The following NEGR1 variants were observed in gnomAD, a reference collection of about 807,000 sequenced individuals.
NEGR1 encodes the protein neuronal growth regulator 1.
NEGR1 carries 10 observed loss-of-function variants against 40.9 expected under a neutral mutation model. That is an observed-to-expected ratio of 0.24 (90% CI 0.15 to 0.42). The LOEUF (loss-of-function observed/expected upper bound fraction) is 0.42, where lower values mean the gene tolerates loss of function less well. Among genes scored for constraint, NEGR1 ranks in the 10% least tolerant of loss-of-function variants. The probability of loss-of-function intolerance (pLI) is 1.00; values close to 1 mark genes in which losing one functional copy is unlikely to be tolerated. For missense variants in NEGR1, 352 were observed against 438.9 expected (o/e 0.80, Z 1.77); for synonymous variants, 185 against 166.8 (o/e 1.11, Z -0.84).
At chr1:72,092,617 C>T (rs1176607926) in intron 1 of NEGR1, among the ~76,000 whole-genome samples, 6 of 152,102 alleles carry the variant, frequency 3.9e-5, no homozygotes, top group Non-Finnish European at 8.8e-5. Flanking sequence ...AGCTGTTCTT[C>T]ATTGTTGTAC....
chr1:71,471,013 G>A (rs1315387796), intron 6 of NEGR1, among the ~76,000 whole-genome samples: 1 of 151,928 alleles, frequency 6.6e-6, no homozygotes, highest in Non-Finnish European at 1.5e-5. Flanking sequence ...TGTCTATCAG[G>A]TATCTTTTTA....
At chr1:71,579,528 G>A (rs920428102) in intron 6 of NEGR1, among the ~76,000 whole-genome samples, 1 of 150,306 alleles carries the variant, frequency 6.7e-6, no homozygotes, top group African/African-American at 2.4e-5. Flanking sequence ...AAATAATTAA[G>A]AAGAATTGGA....
At chr1:72,210,417 T>G (rs751696575) in intron 1 of NEGR1, among the ~76,000 whole-genome samples, 2 of 151,892 alleles carry the variant, frequency 1.3e-5, no homozygotes, top group Non-Finnish European at 2.9e-5. Context: ...TTGTCTCAAA[T>G]AAAACACTTG....
chr1:72,281,216 A>G (rs1275712158), intron 1 of NEGR1, among the ~76,000 whole-genome samples: 2 of 151,482 alleles, frequency 1.3e-5, no homozygotes, highest in African/African-American at 4.9e-5. Flanking sequence ...AAAAGGGGAT[A>G]GAAAGACACA....
intron 6 of NEGR1, among the ~76,000 whole-genome samples, chr1:71,543,909 G>A (rs1647800676): frequency 1.3e-5 from 2 of 151,740 alleles, no homozygotes; most frequent in Middle Eastern, 3.4e-3. Flanking sequence ...TGGATAGAAT[G>A]TTTAGCCATT....
intron 3 of NEGR1, among the ~76,000 whole-genome samples, chr1:71,707,971 T>G (rs1653961204): frequency 6.6e-6 from 1 of 152,126 alleles, no homozygotes; most frequent in African/African-American, 2.4e-5. Flanking sequence ...AAAGCAGGAA[T>G]AGCTTAGATC....
At chr1:72,252,551 A>G (rs1655138841) in intron 1 of NEGR1, among the ~76,000 whole-genome samples, 1 of 152,202 alleles carries the variant, frequency 6.6e-6, no homozygotes, top group South Asian at 2.1e-4. Flanking sequence ...ACAGTTGTTG[A>G]TATCTCTTCC....
At chr1:71,735,665 G>A (rs1031074604) in intron 3 of NEGR1, among the ~76,000 whole-genome samples, 3 of 151,018 alleles carry the variant, frequency 2.0e-5, no homozygotes, top group Non-Finnish European at 4.4e-5. Flanking sequence ...ACACATCGTG[G>A]GTATACATAT....
intron 1 of NEGR1, among the ~76,000 whole-genome samples, chr1:72,157,072 C>T (rs906905189): frequency 1.3e-5 from 2 of 152,112 alleles, no homozygotes; most frequent in Non-Finnish European, 2.9e-5. Flanking sequence ...AAGCAATCCT[C>T]CTACCTCAGC....
chr1:71,501,155 G>A (rs944754902), intron 6 of NEGR1, among the ~76,000 whole-genome samples: 1 of 152,030 alleles, frequency 6.6e-6, no homozygotes, highest in Non-Finnish European at 1.5e-5. Context: ...ACACACATGT[G>A]CAGGCATGTG....
chr1:71,474,726 A>AAC (rs1553144619), intron 6 of NEGR1, among the ~76,000 whole-genome samples: 1 of 150,740 alleles, frequency 6.6e-6, no homozygotes, highest in Non-Finnish European at 1.5e-5. Context: ...TCAAAAAAAA[A>AAC]AAAAAAAAAA....
At chr1:72,127,189 C>G (rs1265115824) in intron 1 of NEGR1, among the ~76,000 whole-genome samples, 1 of 152,060 alleles carries the variant, frequency 6.6e-6, no homozygotes, top group East Asian at 1.9e-4. Flanking sequence ...CGCGGTGGCT[C>G]ACGCCTGTAA....
At position 71,715,064 on chromosome 1, in the gene NEGR1, G is replaced by C. The variant is rs375382233; in HGVS notation, c.536-16925C>G. Among the ~76,000 whole-genome samples, 128 of 152,320 alleles carry C rather than the reference G, an allele frequency of 8.4e-4. 1 individual carries two copies. The East Asian group carries it at 0.015, about 18-fold the overall frequency. On this transcript the variant is annotated intron_variant, in intron 3 of 6. Transcript: ENST00000357731. ...GTTTCCATATATCCTCTGAAATCTA[G>C]GCAGAGGTTCCCAAACCTCGATTCT...
At chr1:72,049,858 C>T (rs1156842831) in intron 1 of NEGR1, among the ~76,000 whole-genome samples, 1 of 151,526 alleles carries the variant, frequency 6.6e-6, no homozygotes, top group African/African-American at 2.4e-5. Flanking sequence ...ATGCTGGAAA[C>T]TTTCAAAGCA....
chr1:72,017,921 A>G (rs1346294722), intron 1 of NEGR1, among the ~76,000 whole-genome samples: 1 of 152,098 alleles, frequency 6.6e-6, no homozygotes, highest in East Asian at 1.9e-4. Context: ...ACATTTTCTA[A>G]TTTCCAAAAT....
intron 1 of NEGR1, among the ~76,000 whole-genome samples, chr1:72,080,949 T>C (rs562246087): frequency 1.2e-4 from 18 of 152,200 alleles, no homozygotes; most frequent in African/African-American, 3.8e-4. Flanking sequence ...AATGAATGAA[T>C]GTGCCTCTGG....
intron 1 of NEGR1, among the ~76,000 whole-genome samples, chr1:72,090,595 G>A (rs1349156688): frequency 1.3e-5 from 2 of 151,908 alleles, no homozygotes; most frequent in African/African-American, 4.8e-5. Flanking sequence ...AATAACTCCA[G>A]GGTCATCTAC....
intron 2 of NEGR1, among the ~76,000 whole-genome samples, chr1:71,872,756 C>A (rs1481181996): frequency 1.3e-5 from 2 of 152,160 alleles, no homozygotes; most frequent in African/African-American, 4.8e-5. Context: ...GCTGGCCATA[C>A]TGCTGAGAAG....
chr1:71,852,641 C>T (rs540357530), intron 2 of NEGR1, among the ~76,000 whole-genome samples: 17 of 151,932 alleles, frequency 1.1e-4, no homozygotes, highest in South Asian at 1.0e-3. Context: ...TAACAGAGAA[C>T]GGTTTGCACA....
Sources: allele counts gnomAD v4.1 joint callset (sites outside exome capture counted in the v4.1 genomes callset), GRCh38; gene constraint gnomAD v4.1.1; transcripts MANE v1.5; gene names NCBI Gene and HGNC (gene_info 2026-07-23, HGNC 2026-07-21).